Variants in PAH observed in about 807,000 individuals in gnomAD.
PAH encodes phenylalanine-4-hydroxylase.
In PAH, 64 loss-of-function variants were observed where a neutral mutation model predicts 62.0. The observed-to-expected ratio is 1.03, with a 90% CI of 0.84 to 1.27. The LOEUF (loss-of-function observed/expected upper bound fraction) is 1.27, where lower values mean the gene tolerates loss of function less well. PAH is among the 50% of genes most tolerant of loss of function. The probability of loss-of-function intolerance (pLI) is 0.00; values close to 1 mark genes in which losing one functional copy is unlikely to be tolerated. For missense variants in PAH, 579 were observed against 542.8 expected (o/e 1.07, Z -0.66); for synonymous variants, 195 against 196.2 (o/e 0.99, Z 0.05).
intron 2 of PAH, among the ~76,000 whole-genome samples, chr12:102,895,898 A>T (rs986015129): frequency 3.4e-5 from 5 of 148,010 alleles, no homozygotes; most frequent in African/African-American, 1.2e-4. Context: ...ATATGTATAT[A>T]AAATTACTTT....
chr12:102,864,162 A>T (rs935960657), intron 5 of PAH, among the ~76,000 whole-genome samples: 12 of 152,284 alleles, frequency 7.9e-5, no homozygotes, highest in Middle Eastern at 6.8e-3. Context: ...AAAAAGGGGC[A>T]AAGGTATAGG....
Position 102,884,733 on chromosome 12 carries a change from T to C in PAH, c.353-7183A>G, listed in dbSNP as rs147616766. Among the ~76,000 whole-genome samples, 341 of 152,300 alleles carry C rather than the reference T, an allele frequency of 2.2e-3. 2 individuals carry two copies. The highest frequency in any genetic ancestry group is 7.6e-3 in the African/African-American group (315 of 41,556). On this transcript the variant is annotated intron_variant, in intron 3 of 12. Transcript: ENST00000553106. Reference sequence around the variant, plus strand: ...GGCCACTAGAGGCCAAGCCAGTCCATGCTTATGTCTCTAACCTCTGCACCT... The same window carrying C: ...GGCCACTAGAGGCCAAGCCAGTCCACGCTTATGTCTCTAACCTCTGCACCT...
intron 1 of PAH, among the ~76,000 whole-genome samples, chr12:102,949,907 A>G (rs749348136): frequency 6.6e-6 from 1 of 152,190 alleles, no homozygotes; most frequent in African/African-American, 2.4e-5. Context: ...AAATGTATTG[A>G]AGGCACTCAT....
upstream of PAH, among the ~76,000 whole-genome samples, chr12:102,951,364 T>C (rs1174641641): frequency 2.0e-5 from 3 of 151,588 alleles, no homozygotes; most frequent in East Asian, 3.9e-4. Context: ...CGAAGCAGAG[T>C]TGTTGGGGGT....
intron 1 of PAH, among the ~76,000 whole-genome samples, chr12:102,915,665 C>T (rs1878354316): frequency 6.6e-6 from 1 of 152,158 alleles, no homozygotes; most frequent in Non-Finnish European, 1.5e-5. Flanking sequence ...TGGATCTTGA[C>T]TCCAAAATTA....
chr12:102,872,267 G>T (rs994590035), intron 4 of PAH, among the ~76,000 whole-genome samples: 1 of 152,068 alleles, frequency 6.6e-6, no homozygotes, highest in Non-Finnish European at 1.5e-5. Context: ...CCATCTTTGT[G>T]ACCTTATTCT....
In PAH at chr12:102,838,639, A is replaced by C. The variant is rs1874461076; in HGVS notation, c.*536T>G. 6.5e-6 allele frequency: 1 copy of C among 153,324 alleles called. No homozygotes were observed. The highest frequency in any genetic ancestry group is 1.5e-5 in the Non-Finnish European group (1 of 68,840). The allele number at this position is 153,324 out of a possible 1,614,324, so 9.5% of individuals were successfully genotyped here. A position where few individuals can be genotyped will look rare whatever the true frequency, so the allele number is the denominator to read the frequency against. On this transcript the variant is annotated 3_prime_UTR_variant, in exon 13 of 13. Coordinates refer to ENST00000553106, the MANE Select transcript of PAH (RefSeq NM_000277.3). ...TATTAATATAATACTAAAGAAGTTC[A>C]ATGCTTGTAACTATTTTAATGGGCT...
chr12:102,898,029 T>G (rs61942043), intron 2 of PAH, among the ~76,000 whole-genome samples: 1 of 152,062 alleles, frequency 6.6e-6, no homozygotes, highest in Admixed American at 6.6e-5. Context: ...CAGCAACACT[T>G]GGCAAAGTCT....
At chr12:102,917,423 G>T, upstream of PAH, 1 of 450,094 alleles carries the variant, frequency 2.2e-6, no homozygotes. Context: ...TTCGCTGCCC[G>T]CCCTGGGTAA....
At chr12:102,954,637 C>T (rs924119213), upstream of PAH, among the ~76,000 whole-genome samples, 2 of 152,146 alleles carry the variant, frequency 1.3e-5, no homozygotes, top group African/African-American at 2.4e-5. Flanking sequence ...TTCCATGGGC[C>T]TAGGAGAGCA....
At chr12:102,926,238 G>A (rs1324033727) in intron 1 of PAH, among the ~76,000 whole-genome samples, 1 of 152,078 alleles carries the variant, frequency 6.6e-6, no homozygotes, top group South Asian at 2.1e-4. Flanking sequence ...TTTAAGTCGG[G>A]TGCTGAGGGA....
chr12:102,913,969 T>C (rs1878294523), intron 1 of PAH: 1 of 650,976 alleles, frequency 1.5e-6, no homozygotes, highest in Non-Finnish European at 2.8e-6. Context: ...AATTACTCTC[T>C]TGTAAGCAAG....
chr12:102,860,738 A>G (rs991159502), intron 5 of PAH, among the ~76,000 whole-genome samples: 16 of 152,240 alleles, frequency 1.1e-4, no homozygotes, highest in African/African-American at 3.9e-4. Context: ...TGGGGAAAGG[A>G]TTCCCTATTT....
At chr12:102,894,636 T>C (rs1382657798) in intron 3 of PAH, 99 bp downstream of exon 3, 1 of 901,626 alleles carries the variant, frequency 1.1e-6, no homozygotes, top group Non-Finnish European at 1.8e-6. Context: ...ATATATTAAA[T>C]ATACATATAT....
intron 5 of PAH, among the ~76,000 whole-genome samples, chr12:102,859,402 G>A (rs1212245271): frequency 3.3e-5 from 5 of 152,154 alleles, no homozygotes; most frequent in Non-Finnish European, 7.4e-5. Context: ...GGTACAAGGA[G>A]GAGCTGGTAC....
chr12:102,877,724 G>T (rs1417239261), intron 3 of PAH, among the ~76,000 whole-genome samples, 174 bp from the exon 4 acceptor site: 6 of 152,168 alleles, frequency 3.9e-5, no homozygotes, highest in Non-Finnish European at 5.9e-5. Flanking sequence ...TTAGAAACCG[G>T]TTTTAAAACC....
At chr12:102,840,343 A>G in intron 12 of PAH, 57 bp downstream of exon 12, 1 of 1,025,268 alleles carries the variant, frequency 9.8e-7, no homozygotes, top group Non-Finnish European at 1.6e-6. Flanking sequence ...ATGGTAGGGA[A>G]AGACAGTCTT....
chr12:102,952,182 G>T (rs1008074067), upstream of PAH, among the ~76,000 whole-genome samples: 2 of 152,140 alleles, frequency 1.3e-5, no homozygotes, highest in Non-Finnish European at 2.9e-5. Flanking sequence ...TGTGAAGGGG[G>T]GAGAGCTCTG....
intron 2 of PAH, among the ~76,000 whole-genome samples, chr12:102,911,584 A>G (rs997432363): frequency 1.3e-5 from 2 of 152,126 alleles, no homozygotes; most frequent in Admixed American, 6.6e-5. Context: ...CTATAAAGCT[A>G]CCTTTTACTG....
Sources: gnomAD v4.1 joint callset for allele counts (sites outside exome capture counted in the v4.1 genomes callset) on GRCh38, gnomAD v4.1.1 for gene constraint, MANE v1.5 for transcripts, NCBI Gene and HGNC (gene_info 2026-07-23, HGNC 2026-07-21) for gene names.